Variants in PPARG observed in about 807,000 individuals in gnomAD.
The protein encoded by PPARG is peroxisome proliferator activated receptor gamma, also known as peroxisome proliferator-activated receptor gamma.
Under a neutral mutation model 39.2 loss-of-function variants are expected in PPARG, and 17 were observed. That is an observed-to-expected ratio of 0.43 (90% CI 0.30 to 0.65). PPARG has a LOEUF of 0.65. Ranked by LOEUF, PPARG falls within the 30% of genes least tolerant of loss-of-function variation. PPARG has a pLI of 0.13. For missense variants in PPARG, 406 were observed against 585.9 expected (o/e 0.69, Z 3.17); for synonymous variants, 223 against 215.7 (o/e 1.03, Z -0.30).
At chr3:12,354,706 A>T (rs968572172) in intron 2 of PPARG, among the ~76,000 whole-genome samples, 2 of 149,778 alleles carry the variant, frequency 1.3e-5, no homozygotes, top group African/African-American at 4.9e-5. Flanking sequence ...TGAGGCTGAG[A>T]TTGCGCCACT....
chr3:12,424,163 C>T (rs2125302788), intron 7 of PPARG, among the ~76,000 whole-genome samples: 1 of 152,270 alleles, frequency 6.6e-6, no homozygotes, highest in South Asian at 2.1e-4. Flanking sequence ...TTTATGAGTT[C>T]TCAACTGGCA....
chr3:12,413,918 A>G (rs1418946260), intron 6 of PPARG, among the ~76,000 whole-genome samples: 3 of 152,044 alleles, frequency 2.0e-5, no homozygotes, highest in Non-Finnish European at 4.4e-5. Context: ...CCTGACCAAC[A>G]TCAATTGCCA....
At chr3:12,304,179 G>T (rs1008808745) in intron 1 of PPARG, among the ~76,000 whole-genome samples, 1 of 152,200 alleles carries the variant, frequency 6.6e-6, no homozygotes, top group Admixed American at 6.5e-5. Flanking sequence ...ATAAATTGCA[G>T]TCAAGCTGCT....
intron 7 of PPARG, among the ~76,000 whole-genome samples, chr3:12,425,417 C>A (rs1335364578): frequency 2.6e-5 from 4 of 152,088 alleles, no homozygotes; most frequent in Non-Finnish European, 5.9e-5. Flanking sequence ...CACTTACTGC[C>A]CTTCATGTGC....
intron 2 of PPARG, among the ~76,000 whole-genome samples, chr3:12,344,015 C>T: frequency 6.6e-6 from 1 of 151,118 alleles, no homozygotes. Flanking sequence ...CATGTGCCAT[C>T]ACACCCAGCT....
intron 1 of PPARG, among the ~76,000 whole-genome samples, chr3:12,299,322 G>A (rs1280109235): frequency 6.6e-6 from 1 of 152,090 alleles, no homozygotes; most frequent in African/African-American, 2.4e-5. Context: ...GACTAAGAGG[G>A]GGTGAATGGG....
intron 2 of PPARG, among the ~76,000 whole-genome samples, chr3:12,335,355 G>A (rs1400142610): frequency 6.6e-6 from 1 of 152,160 alleles, no homozygotes; most frequent in African/African-American, 2.4e-5. Flanking sequence ...TGTGTTACTT[G>A]TAGTCATCAA....
chr3:12,303,085 A>G (rs916739468), intron 1 of PPARG, among the ~76,000 whole-genome samples: 2 of 152,210 alleles, frequency 1.3e-5, no homozygotes, highest in Non-Finnish European at 2.9e-5. Flanking sequence ...TTTGCATTTC[A>G]TAGCAATATC....
At chr3:12,332,568 G>A (rs2047891657) in intron 2 of PPARG, among the ~76,000 whole-genome samples, 1 of 152,038 alleles carries the variant, frequency 6.6e-6, no homozygotes, top group African/African-American at 2.4e-5. Context: ...TTTAATATGT[G>A]GATTTTTATG....
At chr3:12,417,932 C>T (rs558491067) in intron 7 of PPARG, among the ~76,000 whole-genome samples, 117 of 45,886 alleles carry the variant, frequency 2.5e-3, no homozygotes, top group African/African-American at 0.023. Flanking sequence ...TTTTGTGAGA[C>T]AGGGCCTCAC....
intron 2 of PPARG, among the ~76,000 whole-genome samples, chr3:12,320,262 A>G (rs573904622): frequency 1.3e-5 from 2 of 152,192 alleles, no homozygotes; most frequent in Non-Finnish European, 2.9e-5. Flanking sequence ...GTATCGCTAG[A>G]GGAATGTGCG....
chr3:12,382,183 T>C (rs1487285125), intron 4 of PPARG, among the ~76,000 whole-genome samples: 2 of 152,090 alleles, frequency 1.3e-5, no homozygotes, highest in African/African-American at 2.4e-5. Context: ...GTTTCCTTAT[T>C]CCAGCATCAA....
At chr3:12,337,555 T>C (rs747889849) in intron 2 of PPARG, among the ~76,000 whole-genome samples, 5 of 152,204 alleles carry the variant, frequency 3.3e-5, no homozygotes, top group Non-Finnish European at 7.3e-5. Flanking sequence ...CCATCTAATC[T>C]ACTCTCCTTT....
intron 2 of PPARG, among the ~76,000 whole-genome samples, chr3:12,377,068 A>G (rs1293577241): frequency 1.3e-5 from 2 of 152,160 alleles, no homozygotes; most frequent in African/African-American, 2.4e-5. Flanking sequence ...CCAGGTACCT[A>G]TTGCAGAAAG....
chr3:12,339,729 G>A (rs1203757052), intron 2 of PPARG, among the ~76,000 whole-genome samples: 6 of 152,214 alleles, frequency 3.9e-5, no homozygotes, highest in Non-Finnish European at 7.3e-5. Flanking sequence ...CATCTGTAAA[G>A]AGGGTGTTAG....
chr3:12,375,520 C>T (rs1305631509), intron 2 of PPARG, among the ~76,000 whole-genome samples: 2 of 152,124 alleles, frequency 1.3e-5, no homozygotes, highest in Non-Finnish European at 2.9e-5. Context: ...AGGTGATAAA[C>T]CCACCTTTGT....
At chr3:12,323,894 A>G (rs1476898884) in intron 2 of PPARG, among the ~76,000 whole-genome samples, 1 of 152,214 alleles carries the variant, frequency 6.6e-6, no homozygotes, top group Non-Finnish European at 1.5e-5. Context: ...ACCCTAGACC[A>G]TTGCTAATTT....
chr3:12,434,011 A>T lies in PPARG; in HGVS notation c.1294A>T (p.Lys432Ter). ...CCCTGAGTCCTCACAGCTGTTTGCC[A>T]AGCTGCTCCAGAAAATGACAGACCT... Reference protein sequence around the residue: ...NHPESSQLFAKLLQKMTDLRQ... With the variant: ...NHPESSQLFA The change falls in exon 8 of 8, where the codon AAG (lysine) becomes TAG (stop). Residue 432 changes from lysine to a stop codon, truncating the protein, a stop_gained. Transcript: ENST00000651735. LOFTEE classifies it high-confidence loss of function. This position sits in a 1 kb window ranked among gnomAD's most constrained non-coding sequence, Gnocchi z 4.2. 6.2e-7 allele frequency: 1 copy of T among 1,614,202 alleles called. No homozygotes were observed. Among genetic ancestry groups the T allele is most frequent in the Non-Finnish European group, 8.5e-7 (1 of 1,180,038 alleles).
At chr3:12,328,903 A>G (rs1245555612) in intron 2 of PPARG, among the ~76,000 whole-genome samples, 1 of 152,110 alleles carries the variant, frequency 6.6e-6, no homozygotes, top group Admixed American at 6.5e-5. Flanking sequence ...CTTCTCCCAT[A>G]CATTCCAAAA....
Sources: allele counts gnomAD v4.1 joint callset (sites outside exome capture counted in the v4.1 genomes callset), GRCh38; gene constraint gnomAD v4.1.1; non-coding constraint Gnocchi (gnomAD v3.1); transcripts MANE v1.5; gene names NCBI Gene and HGNC (gene_info 2026-07-23, HGNC 2026-07-21).